The following TMCC3 variants were observed in gnomAD, a reference collection of about 807,000 sequenced individuals.
TMCC3 encodes the protein transmembrane and coiled-coil domain protein 3.
A neutral mutation model predicts 40.2 loss-of-function variants in TMCC3; 28 were observed. That is an observed-to-expected ratio of 0.70 (90% CI 0.52 to 0.95). TMCC3 has a LOEUF of 0.95. Among genes scored for constraint, TMCC3 ranks in the 40% least tolerant of loss-of-function variants. TMCC3 has a pLI of 0.00. For synonymous variants in TMCC3, 255 were observed against 248.5 expected, an observed-to-expected ratio of 1.03 and a Z score of -0.25; for missense variants, 554 against 615.2, an observed-to-expected ratio of 0.90 and a Z score of 1.05.
intron 1 of TMCC3, among the ~76,000 whole-genome samples, chr12:94,646,132 C>A (rs2069016713): frequency 6.6e-6 from 1 of 151,994 alleles, no homozygotes; most frequent in Non-Finnish European, 1.5e-5. Context: ...TCCTTGCATG[C>A]AGGATGGAAC....
chr12:94,601,714 CAGG>C (rs932781100), intron 1 of TMCC3, among the ~76,000 whole-genome samples: 14 of 140,520 alleles, frequency 1.0e-4, no homozygotes, highest in African/African-American at 3.0e-4. Flanking sequence ...GAGGTTGAGA[CAGG>C]AGAATTGCTT....
At position 94,581,666 on chromosome 12, in the gene TMCC3, T is replaced by A. The variant is rs2068602327; in HGVS notation, c.951A>T (p.Arg317Ser). 3 of 1,603,408 alleles carry A rather than the reference T, an allele frequency of 1.9e-6. No individual in the cohort carries two copies. In the South Asian group the frequency reaches 3.3e-5, roughly 18 times the overall value. ...DIEALKVQFK[R>S]EYGFISQTLQ... ...GGGTCTGAGAAATAAAACCATATTCTCTCTTAAACTGCACCTTCAGTGCCT... is the reference window on the plus strand; with the variant it reads ...GGGTCTGAGAAATAAAACCATATTCACTCTTAAACTGCACCTTCAGTGCCT... Residue 317 changes from arginine (R) to serine (S), a missense_variant, in exon 2 of 4, where the codon AGA becomes AGT. Arg to Ser is a moderately radical substitution (Grantham distance 110). Coordinates refer to ENST00000261226, the MANE Select transcript of TMCC3 (RefSeq NM_020698.4).
chr12:94,608,042 G>A (rs2068793806), intron 1 of TMCC3, among the ~76,000 whole-genome samples: 1 of 152,138 alleles, frequency 6.6e-6, no homozygotes, highest in African/African-American at 2.4e-5. Context: ...CACTTTGCTT[G>A]ATTGCTTTTC....
At chr12:94,585,785 G>T (rs1033174415) in intron 1 of TMCC3, among the ~76,000 whole-genome samples, 1 of 152,172 alleles carries the variant, frequency 6.6e-6, no homozygotes, top group African/African-American at 2.4e-5. Context: ...TCTGTGACAT[G>T]CCTGTTGCTC....
At chr12:94,599,559 C>T (rs534845715) in intron 1 of TMCC3, among the ~76,000 whole-genome samples, 1 of 94,384 alleles carries the variant, frequency 1.1e-5, no homozygotes, top group Non-Finnish European at 2.2e-5. Flanking sequence ...AAAAGATACC[C>T]CCCCCCCCGC....
At chr12:94,610,753 C>T (rs2068811414) in intron 1 of TMCC3, among the ~76,000 whole-genome samples, 1 of 152,190 alleles carries the variant, frequency 6.6e-6, no homozygotes, top group South Asian at 2.1e-4. Context: ...AAGCAAGACG[C>T]AGGGCTATGC....
intron 1 of TMCC3, chr12:94,591,003 G>A (rs1014761902): frequency 5.4e-6 from 3 of 555,072 alleles, no homozygotes; most frequent in South Asian, 1.4e-5. Context: ...AAGAAACCGC[G>A]ACTACTATAG....
Position 94,633,855 on chromosome 12 carries a change from C to A in TMCC3, c.78+16498G>T, listed in dbSNP as rs577145435. ...CAAGTAACTGTGATTTCTGAAATAT[C>A]CAAAGTATCAGGAAACATTAACATA... is the stretch of plus-strand genomic sequence containing the variant. On this transcript the variant is annotated intron_variant, in intron 1 of 3. Coordinates refer to ENST00000261226, the MANE Select transcript of TMCC3 (RefSeq NM_020698.4). Among the ~76,000 whole-genome samples the A allele has an allele frequency of 1.7e-3, 256 of 152,182 alleles. 1 individual carries two copies. Among genetic ancestry groups the A allele is most frequent in the Middle Eastern group, 0.014 (4 of 294 alleles).
intron 1 of TMCC3, among the ~76,000 whole-genome samples, chr12:94,602,140 G>A (rs1482734813): frequency 1.4e-4 from 21 of 152,190 alleles, no homozygotes; most frequent in Admixed American, 1.1e-3. Context: ...TCTGAAGAAC[G>A]TTCTGTGGTT....
intron 1 of TMCC3, chr12:94,615,908 T>C (rs1488473436): frequency 1.0e-6 from 1 of 985,082 alleles, no homozygotes; most frequent in Non-Finnish European, 1.2e-6. Context: ...ACGGAAGAGT[T>C]GTGAAGAGAC....
intron 1 of TMCC3, among the ~76,000 whole-genome samples, chr12:94,596,210 T>C (rs1313565109): frequency 6.6e-6 from 1 of 152,228 alleles, no homozygotes; most frequent in African/African-American, 2.4e-5. Flanking sequence ...TGGACCTTTA[T>C]ATACACTCTC....
At chr12:94,629,214 C>T (rs1160493856) in intron 1 of TMCC3, among the ~76,000 whole-genome samples, 1 of 152,136 alleles carries the variant, frequency 6.6e-6, no homozygotes, top group Non-Finnish European at 1.5e-5. Flanking sequence ...ACCATCTGTC[C>T]TCTACCAACA....
chr12:94,615,047 C>T (rs1033876408), intron 1 of TMCC3, among the ~76,000 whole-genome samples: 34 of 152,160 alleles, frequency 2.2e-4, no homozygotes, highest in Non-Finnish European at 2.1e-4. Context: ...TTTCTGAAGA[C>T]TGGGGATCAC....
At chr12:94,572,220 G>C (rs1295391278) in intron 3 of TMCC3, among the ~76,000 whole-genome samples, 2 of 151,416 alleles carry the variant, frequency 1.3e-5, no homozygotes, top group East Asian at 1.9e-4. Flanking sequence ...GGAAGGTCTC[G>C]ATCTCCTGAC....
intron 1 of TMCC3, among the ~76,000 whole-genome samples, chr12:94,646,431 CTTTTTTTTTT>C (rs34398994): frequency 2.2e-5 from 2 of 90,730 alleles, no homozygotes; most frequent in African/African-American, 9.7e-5. Flanking sequence ...AAGCACACAC[CTTTTTTTTTT>C]TTTTTTTTTT....
chr12:94,621,883 G>C (rs959681540), intron 1 of TMCC3, among the ~76,000 whole-genome samples: 2 of 152,120 alleles, frequency 1.3e-5, no homozygotes, highest in African/African-American at 2.4e-5. Context: ...ATGTCAGAAC[G>C]CACCACTGGT....
chr12:94,580,262 C>T (rs986819525), intron 2 of TMCC3, among the ~76,000 whole-genome samples: 5 of 152,150 alleles, frequency 3.3e-5, no homozygotes, highest in East Asian at 1.9e-4. Flanking sequence ...TGGGCTTACA[C>T]ACTTTGTGTT....
intron 2 of TMCC3, among the ~76,000 whole-genome samples, chr12:94,579,267 G>T (rs982295057): frequency 6.6e-6 from 1 of 152,176 alleles, no homozygotes; most frequent in Non-Finnish European, 1.5e-5. Context: ...AACACTCTGG[G>T]AGGCCAAGGC....
chr12:94,622,468 A>G lies in TMCC3; in HGVS notation c.78+27885T>C, dbSNP rs187443883. 1.2e-4 allele frequency among the ~76,000 whole-genome samples: 19 copies of G among 152,324 alleles called. No individual in the cohort carries two copies. In the East Asian group the frequency reaches 3.5e-3, roughly 28 times the overall value. On this transcript the variant is annotated intron_variant, in intron 1 of 3. Transcript: ENST00000261226. ...ATTTTTGTAAATATACCGAGACATTAAAAAAGGAAGAATGAATGGGTAAAA... is the reference window on the plus strand; with the variant it reads ...ATTTTTGTAAATATACCGAGACATTGAAAAAGGAAGAATGAATGGGTAAAA...
Sources: gnomAD v4.1 joint callset for allele counts (sites outside exome capture counted in the v4.1 genomes callset) on GRCh38, gnomAD v4.1.1 for gene constraint, MANE v1.5 for transcripts, NCBI Gene and HGNC (gene_info 2026-07-23, HGNC 2026-07-21) for gene names.